Variants in RP1 observed in about 807,000 individuals in gnomAD.
RP1 encodes oxygen-regulated protein 1.
A neutral mutation model predicts 14.8 loss-of-function variants in RP1; 16 were observed. The ratio of observed to expected loss-of-function variants is 1.08; its 90% CI spans 0.73 to 1.65. The LOEUF is 1.65. Among genes scored for constraint, RP1 ranks in the 40% most tolerant of loss-of-function variants. RP1 has a pLI of 0.00. For synonymous variants in RP1, 876 were observed against 883.6 expected, an observed-to-expected ratio of 0.99 and a Z score of 0.15; for missense variants, 2,631 against 2,535.0, an observed-to-expected ratio of 1.04 and a Z score of -0.81.
chr8:54,712,913 C>T (rs1808324230), intron 15 of RP1, among the ~76,000 whole-genome samples: 1 of 152,142 alleles, frequency 6.6e-6, no homozygotes, highest in African/African-American at 2.4e-5. Flanking sequence ...GAAAACAGTC[C>T]TCTTAATTAC....
At chr8:54,741,177 A>G (rs749205546) in intron 19 of RP1, among the ~76,000 whole-genome samples, 1 of 152,230 alleles carries the variant, frequency 6.6e-6, no homozygotes, top group Non-Finnish European at 1.5e-5. Context: ...TTAATTTATT[A>G]TGGAAAAAAG....
intron 24 of RP1, among the ~76,000 whole-genome samples, chr8:54,786,087 C>G (rs1250247237): frequency 6.6e-6 from 1 of 151,956 alleles, no homozygotes; most frequent in Non-Finnish European, 1.5e-5. Context: ...TTTGAGTTAC[C>G]TTTTAACTTC....
chr8:54,685,011 A>C (rs1807528055), intron 12 of RP1, among the ~76,000 whole-genome samples: 1 of 152,170 alleles, frequency 6.6e-6, no homozygotes, highest in African/African-American at 2.4e-5. Flanking sequence ...GTGGGAGAGC[A>C]TTAGGGAAAA....
At position 54,710,581 on chromosome 8, in the gene RP1, A is replaced by G. The variant is rs150906117; in HGVS notation, c.2211+3926A>G. Among the ~76,000 whole-genome samples the G allele has an allele frequency of 4.0e-4, 61 of 152,328 alleles. 1 individual carries two copies. The East Asian group carries it at 8.5e-3, about 21-fold the overall frequency. On this transcript the variant is annotated intron_variant, in intron 15 of 22. Transcript: ENST00000636932. ...CATCCTGAATTTTTGTCCACCACCCAAGAAGAATGAGGTCACATGGACAAA... is the reference window on the plus strand; with the variant it reads ...CATCCTGAATTTTTGTCCACCACCCGAGAAGAATGAGGTCACATGGACAAA...
chr8:54,743,662 A>G (rs771201375), intron 19 of RP1, among the ~76,000 whole-genome samples: 1 of 151,910 alleles, frequency 6.6e-6, no homozygotes, highest in Non-Finnish European at 1.5e-5. Flanking sequence ...TTCTACGAGG[A>G]CTTCTTTACT....
intron 28 of RP1, among the ~76,000 whole-genome samples, chr8:54,868,305 T>A (rs544164519): frequency 7.2e-5 from 11 of 152,206 alleles, no homozygotes; most frequent in Non-Finnish European, 1.2e-4. Context: ...GTTTATTGTA[T>A]CATACTATCA....
chr8:54,580,914 G>T (rs539057690), intron 1 of RP1, among the ~76,000 whole-genome samples: 1 of 152,156 alleles, frequency 6.6e-6, no homozygotes, highest in Admixed American at 6.6e-5. Context: ...ACTGCGCCTG[G>T]CCCAACATAT....
At position 54,625,055 on chromosome 8, in the gene RP1, G is replaced by A. The variant is rs1457430704; in HGVS notation, c.1173G>A (p.Val391=). The A allele has an allele frequency of 1.9e-6, 3 of 1,614,064 alleles. No individual in the cohort carries two copies. In the African/African-American group the frequency reaches 4.0e-5, roughly 22 times the overall value. Residue 391 remains valine (V), a synonymous_variant, in exon 4 of 4, where the codon GTG becomes GTA. Transcript: ENST00000220676. ...KLAACSFSAD[V]SPMERSSNQE... is the part of the protein sequence containing the mutation. ...CAGCATGTTCATTCTCTGCAGATGT[G>A]TCACCTATGGAGCGAAGCAGTAATC...
At chr8:54,691,631 G>A (rs1021945729) in intron 12 of RP1, among the ~76,000 whole-genome samples, 2 of 151,862 alleles carry the variant, frequency 1.3e-5, no homozygotes, top group African/African-American at 2.4e-5. Flanking sequence ...GCATGAGAAC[G>A]GTAGTCATTT....
intron 13 of RP1, among the ~76,000 whole-genome samples, chr8:54,700,512 G>C (rs1807988415): frequency 1.3e-5 from 2 of 152,030 alleles, no homozygotes; most frequent in African/African-American, 4.8e-5. Context: ...GACTTCATAA[G>C]GTACCCTACA....
intron 16 of RP1, among the ~76,000 whole-genome samples, chr8:54,725,764 T>C (rs1219554237): frequency 6.6e-6 from 1 of 152,146 alleles, no homozygotes; most frequent in Non-Finnish European, 1.5e-5. Context: ...ACAAACAACT[T>C]GAATTTGAAA....
intron 24 of RP1, among the ~76,000 whole-genome samples, chr8:54,791,095 A>G (rs1045188835): frequency 2.0e-5 from 3 of 152,204 alleles, no homozygotes; most frequent in African/African-American, 7.2e-5. Flanking sequence ...GAATTTTGAA[A>G]GCAATGAAAG....
intron 12 of RP1, among the ~76,000 whole-genome samples, chr8:54,682,934 T>G (rs1443559120): frequency 6.6e-6 from 1 of 152,144 alleles, no homozygotes; most frequent in Non-Finnish European, 1.5e-5. Flanking sequence ...TGTTTTGGGG[T>G]TTACATTTAA....
chr8:54,774,249 C>T (rs897789013), downstream of RP1, among the ~76,000 whole-genome samples: 4 of 152,142 alleles, frequency 2.6e-5, no homozygotes, highest in African/African-American at 9.7e-5. Flanking sequence ...CAGGAAGACA[C>T]ACCGTGGCAC....
At chr8:54,709,319 G>T (rs1458254112) in intron 15 of RP1, among the ~76,000 whole-genome samples, 1 of 152,162 alleles carries the variant, frequency 6.6e-6, no homozygotes, top group Non-Finnish European at 1.5e-5. Flanking sequence ...GCCAGCCTAC[G>T]TTGTGCTGCT....
chr8:54,744,284 A>G (rs1211304634), intron 19 of RP1, among the ~76,000 whole-genome samples: 3 of 152,180 alleles, frequency 2.0e-5, no homozygotes, highest in Non-Finnish European at 4.4e-5. Context: ...TAATCTGTCC[A>G]GAAGCCACAG....
At chr8:54,750,226 AT>A (rs1337890026) in intron 19 of RP1, among the ~76,000 whole-genome samples, 1 of 152,202 alleles carries the variant, frequency 6.6e-6, no homozygotes, top group Non-Finnish European at 1.5e-5. Flanking sequence ...TTTTGATACT[AT>A]TATTACTAAA....
chr8:54,594,031 G>A (rs1805091763), intron 1 of RP1, among the ~76,000 whole-genome samples: 1 of 151,084 alleles, frequency 6.6e-6, no homozygotes, highest in Middle Eastern at 3.2e-3. Flanking sequence ...TTGGGACCAG[G>A]AACTTGGTTC....
chr8:54,774,010 A>T (rs1391320072), downstream of RP1, among the ~76,000 whole-genome samples: 1 of 152,194 alleles, frequency 6.6e-6, no homozygotes, highest in Non-Finnish European at 1.5e-5. Flanking sequence ...GTGTCTGCTC[A>T]AAGAAAGAAA....
Sources: allele counts gnomAD v4.1 joint callset (sites outside exome capture counted in the v4.1 genomes callset), GRCh38; gene constraint gnomAD v4.1.1; transcripts MANE v1.5; gene names NCBI Gene and HGNC (gene_info 2026-07-23, HGNC 2026-07-21).